GALNT2: variants seen among roughly 807,000 people sequenced by gnomAD.
GALNT2 encodes the protein UDP-GalNAc:polypeptide N-acetylgalactosaminyltransferase 2.
In GALNT2, 31 loss-of-function variants were observed where a neutral mutation model predicts 81.4. The ratio of observed to expected loss-of-function variants is 0.38; its 90% CI spans 0.29 to 0.51. The LOEUF (loss-of-function observed/expected upper bound fraction) is 0.51, where lower values mean the gene tolerates loss of function less well. GALNT2 is among the 20% of genes least tolerant of loss of function. The probability of loss-of-function intolerance (pLI) is 0.87; values close to 1 mark genes in which losing one functional copy is unlikely to be tolerated. For missense variants in GALNT2, 629 were observed against 765.7 expected (o/e 0.82, Z 2.11); for synonymous variants, 303 against 287.4 (o/e 1.05, Z -0.55).
chr1:230,180,165 C>T (rs997071848), intron 2 of GALNT2, among the ~76,000 whole-genome samples: 7 of 152,236 alleles, frequency 4.6e-5, no homozygotes, highest in South Asian at 4.1e-4. Context: ...GTGATCCGCC[C>T]GCCTCGGCCT....
intron 1 of GALNT2, among the ~76,000 whole-genome samples, chr1:230,125,959 C>T (rs944461847): frequency 1.3e-5 from 2 of 152,232 alleles, no homozygotes; most frequent in Non-Finnish European, 2.9e-5. Context: ...TGGCTCCCCA[C>T]CCAGTGCTCA....
At chr1:230,222,029 C>CTTTTTTTTTTTTTTTTTTTTTTTTTTTT in intron 3 of GALNT2, among the ~76,000 whole-genome samples, 1 of 72,206 alleles carries the variant, frequency 1.4e-5, no homozygotes, top group South Asian at 4.0e-4. Flanking sequence ...CACTGCTTTT[C>CTTTTTTTTTTTTTTTTTTTTTTTTTTTT]TCTTTTTTTT....
intron 3 of GALNT2, among the ~76,000 whole-genome samples, chr1:230,215,048 G>A (rs1020512713): frequency 1.3e-5 from 2 of 152,198 alleles, no homozygotes; most frequent in African/African-American, 4.8e-5. Flanking sequence ...TTAAAATAGG[G>A]CAGGTCACCT....
intron 2 of GALNT2, among the ~76,000 whole-genome samples, chr1:230,191,064 C>T (rs1036514605): frequency 3.5e-4 from 54 of 152,242 alleles, no homozygotes; most frequent in African/African-American, 1.1e-3. Context: ...TTGTCCTTCT[C>T]CTGTTCCAAC....
chr1:230,085,264 G>A (rs546427929), intron 1 of GALNT2, among the ~76,000 whole-genome samples: 1 of 152,274 alleles, frequency 6.6e-6, no homozygotes, highest in African/African-American at 2.4e-5. Context: ...TTGGAGTTTT[G>A]AGCTAAGGAA....
At chr1:230,214,464 G>A (rs918266713) in intron 3 of GALNT2, among the ~76,000 whole-genome samples, 5 of 152,188 alleles carry the variant, frequency 3.3e-5, no homozygotes, top group African/African-American at 1.2e-4. Flanking sequence ...TGGGTTGACA[G>A]TGACTGTCAG....
intron 2 of GALNT2, among the ~76,000 whole-genome samples, chr1:230,197,869 C>T (rs1663750070): frequency 6.6e-6 from 1 of 152,152 alleles, no homozygotes; most frequent in African/African-American, 2.4e-5. Context: ...TGTTGGCCAG[C>T]TCTGCACCCT....
chr1:230,211,215 C>A (rs1664224220), intron 3 of GALNT2, among the ~76,000 whole-genome samples: 1 of 151,936 alleles, frequency 6.6e-6, no homozygotes, highest in African/African-American at 2.4e-5. Flanking sequence ...GGCCCGAGCA[C>A]CCACTCCTCC....
chr1:230,068,577 C>G (rs1291998809), intron 1 of GALNT2, among the ~76,000 whole-genome samples: 1 of 152,186 alleles, frequency 6.6e-6, no homozygotes, highest in East Asian at 1.9e-4. Context: ...CCAGAGGGAA[C>G]TAACTAGATG....
intron 3 of GALNT2, among the ~76,000 whole-genome samples, chr1:230,216,359 TAATGA>T (rs1664389974): frequency 6.6e-6 from 1 of 152,250 alleles, no homozygotes; most frequent in South Asian, 2.1e-4. Context: ...GTGATGTTTC[TAATGA>T]ACTTAAAAGA....
At chr1:230,214,632 A>G (rs1194735725) in intron 3 of GALNT2, among the ~76,000 whole-genome samples, 1 of 151,986 alleles carries the variant, frequency 6.6e-6, no homozygotes, top group East Asian at 1.9e-4. Context: ...TATGCCTAGC[A>G]GTTGTTTTCC....
intron 1 of GALNT2, among the ~76,000 whole-genome samples, chr1:230,145,007 C>G (rs1216109057): frequency 2.6e-5 from 4 of 152,070 alleles, no homozygotes; most frequent in African/African-American, 9.7e-5. Context: ...ACCTACAAAC[C>G]AAGCAAGGTG....
chr1:230,212,407 G>T (rs1473412926), intron 3 of GALNT2, among the ~76,000 whole-genome samples: 1 of 152,202 alleles, frequency 6.6e-6, no homozygotes, highest in Non-Finnish European at 1.5e-5. Context: ...AAATGGAGAA[G>T]AAATGGGGTT....
At chr1:230,188,556 C>T (rs942219463) in intron 2 of GALNT2, among the ~76,000 whole-genome samples, 11 of 152,230 alleles carry the variant, frequency 7.2e-5, no homozygotes, top group Non-Finnish European at 1.6e-4. Context: ...ATTCTGTTAA[C>T]TGTGTCTTAC....
chr1:230,091,276 G>A (rs558145500), intron 1 of GALNT2, among the ~76,000 whole-genome samples: 33 of 151,136 alleles, frequency 2.2e-4, no homozygotes, highest in Admixed American at 6.6e-4. Flanking sequence ...GGGTTTCACC[G>A]TGTTGGCCAG....
At chr1:230,086,796 C>CT (rs1278770898) in intron 1 of GALNT2, among the ~76,000 whole-genome samples, 4 of 152,156 alleles carry the variant, frequency 2.6e-5, no homozygotes, top group African/African-American at 9.7e-5. Flanking sequence ...GCTGTTTGTG[C>CT]TATTGGGGAC....
chr1:230,116,867 G>A (rs1332017033), intron 1 of GALNT2, among the ~76,000 whole-genome samples: 3 of 152,204 alleles, frequency 2.0e-5, no homozygotes, highest in African/African-American at 7.2e-5. Flanking sequence ...TTTCGGAATG[G>A]TAAATGAGCA....
chr1:230,177,133 A>T (rs1663005509), intron 1 of GALNT2, among the ~76,000 whole-genome samples: 2 of 152,382 alleles, frequency 1.3e-5, no homozygotes, highest in South Asian at 4.1e-4. Context: ...AGCAAGTTGC[A>T]TTTGGAAAAA....
chr1:230,200,210 C>T (rs1028803126), intron 2 of GALNT2, among the ~76,000 whole-genome samples: 2 of 151,958 alleles, frequency 1.3e-5, no homozygotes, highest in African/African-American at 4.8e-5. Context: ...TTACAGGCGC[C>T]TGCCACCACG....
Sources: gnomAD v4.1 joint callset for allele counts (sites outside exome capture counted in the v4.1 genomes callset) on GRCh38, gnomAD v4.1.1 for gene constraint, MANE v1.5 for transcripts, NCBI Gene and HGNC (gene_info 2026-07-23, HGNC 2026-07-21) for gene names.